Variants in SGMS1 observed in about 807,000 individuals in gnomAD.
SGMS1 encodes phosphatidylcholine:ceramide cholinephosphotransferase 1.
SGMS1 carries 13 observed loss-of-function variants against 46.2 expected under a neutral mutation model. The ratio of observed to expected loss-of-function variants is 0.28; its 90% CI spans 0.18 to 0.45. The LOEUF is 0.45. Ranked by LOEUF, SGMS1 falls within the 20% of genes least tolerant of loss-of-function variation. The probability of loss-of-function intolerance (pLI) is 1.00; values close to 1 mark genes in which losing one functional copy is unlikely to be tolerated. For missense variants in SGMS1, 324 were observed against 519.9 expected (o/e 0.62, Z 3.66); for synonymous variants, 203 against 187.8 (o/e 1.08, Z -0.66).
intron 6 of SGMS1, among the ~76,000 whole-genome samples, chr10:50,379,304 C>T (rs954402444): frequency 6.6e-6 from 1 of 152,100 alleles, no homozygotes; most frequent in Admixed American, 6.5e-5. Flanking sequence ...AATTTGATGC[C>T]TCCTCACAAC....
intron 3 of SGMS1, chr10:50,474,024 A>C (rs934411974): frequency 6.6e-6 from 1 of 152,258 alleles, no homozygotes; most frequent in African/African-American, 2.4e-5. Context: ...CAAGAGGAAC[A>C]CTTAAGCTCA....
At chr10:50,504,561 A>C (rs1588856760) in intron 3 of SGMS1, among the ~76,000 whole-genome samples, 3 of 152,318 alleles carry the variant, frequency 2.0e-5, no homozygotes, top group Middle Eastern at 3.4e-3. Context: ...AAGTGACAAA[A>C]GGCAATTCTC....
chr10:50,437,235 C>G (rs1201776257), intron 5 of SGMS1, among the ~76,000 whole-genome samples: 2 of 152,186 alleles, frequency 1.3e-5, no homozygotes, highest in African/African-American at 4.8e-5. Flanking sequence ...CAGCCCACTT[C>G]ACTAGGAGAC....
At chr10:50,413,876 T>C (rs1461111534) in intron 6 of SGMS1, among the ~76,000 whole-genome samples, 1 of 152,190 alleles carries the variant, frequency 6.6e-6, no homozygotes, top group Non-Finnish European at 1.5e-5. Context: ...AGAAAGCACT[T>C]ATTAAACTGG....
intron 6 of SGMS1, among the ~76,000 whole-genome samples, chr10:50,416,898 C>G (rs903664800): frequency 1.3e-5 from 2 of 148,578 alleles, no homozygotes; most frequent in African/African-American, 5.0e-5. Context: ...CTAAAAAAAG[C>G]CAGCTGCAAA....
intron 6 of SGMS1, among the ~76,000 whole-genome samples, chr10:50,401,028 C>T (rs1848932494): frequency 6.6e-6 from 1 of 152,268 alleles, no homozygotes; most frequent in East Asian, 1.9e-4. Context: ...ACACTTATGC[C>T]TAGTAATTGA....
chr10:50,597,956 G>A (rs1032717732), intron 1 of SGMS1, among the ~76,000 whole-genome samples: 12 of 150,334 alleles, frequency 8.0e-5, no homozygotes, highest in African/African-American at 1.5e-4. Flanking sequence ...AGGTTGCAGC[G>A]AGCTGAGATA....
At chr10:50,565,722 A>G (rs1038716390) in intron 2 of SGMS1, among the ~76,000 whole-genome samples, 1 of 152,154 alleles carries the variant, frequency 6.6e-6, no homozygotes, top group Non-Finnish European at 1.5e-5. Flanking sequence ...TCAACATAAT[A>G]GTGTCCAGGG....
intron 8 of SGMS1, among the ~76,000 whole-genome samples, chr10:50,316,753 CACG>C (rs1164161006): frequency 2.6e-5 from 4 of 152,114 alleles, no homozygotes; most frequent in African/African-American, 9.7e-5. Context: ...AAATCCAATA[CACG>C]AATCAAGTAA....
intron 2 of SGMS1, among the ~76,000 whole-genome samples, chr10:50,555,001 C>T (rs11006118): frequency 0.2 from 30,288 of 152,090 alleles, 3,963 homozygotes; most frequent in East Asian, 0.64. Flanking sequence ...ACAGGGTTCC[C>T]AGAGGTCCTG....
At chr10:50,400,269 A>C (rs1341254140) in intron 6 of SGMS1, among the ~76,000 whole-genome samples, 1 of 151,674 alleles carries the variant, frequency 6.6e-6, no homozygotes, top group African/African-American at 2.4e-5. Flanking sequence ...GAGACCTTGA[A>C]TAAATTACTC....
At chr10:50,383,854 T>C (rs2133483319) in intron 6 of SGMS1, among the ~76,000 whole-genome samples, 1 of 152,342 alleles carries the variant, frequency 6.6e-6, no homozygotes, top group Non-Finnish European at 1.5e-5. Context: ...GCTAGGGCTA[T>C]GTTTAGTAAT....
intron 5 of SGMS1, among the ~76,000 whole-genome samples, chr10:50,446,781 T>C (rs1837022269): frequency 6.6e-6 from 1 of 152,188 alleles, no homozygotes; most frequent in Non-Finnish European, 1.5e-5. Flanking sequence ...AGAGAACTTT[T>C]TGGGATGATA....
intron 5 of SGMS1, among the ~76,000 whole-genome samples, chr10:50,455,632 G>C (rs924626155): frequency 9.2e-5 from 14 of 152,102 alleles, no homozygotes; most frequent in Non-Finnish European, 1.3e-4. Flanking sequence ...TCTTTTATTC[G>C]GAGTAGCTGG....
chr10:50,368,635 C>A (rs919886216), intron 6 of SGMS1, among the ~76,000 whole-genome samples: 1 of 152,186 alleles, frequency 6.6e-6, no homozygotes, highest in Non-Finnish European at 1.5e-5. Flanking sequence ...GGATTACAGG[C>A]GTGAGCCACT....
intron 4 of SGMS1, among the ~76,000 whole-genome samples, chr10:50,461,923 T>C (rs1238175457): frequency 6.6e-6 from 1 of 151,966 alleles, no homozygotes; most frequent in Non-Finnish European, 1.5e-5. Flanking sequence ...CAAACATAGG[T>C]ACAAAGAAAG....
chr10:50,499,076 G>A (rs1837639805), intron 3 of SGMS1, among the ~76,000 whole-genome samples: 1 of 152,068 alleles, frequency 6.6e-6, no homozygotes, highest in Admixed American at 6.6e-5. Flanking sequence ...TCCCATCTAT[G>A]CAATTGGCTA....
chr10:50,561,748 T>C (rs1434190619), intron 2 of SGMS1, among the ~76,000 whole-genome samples: 9 of 152,072 alleles, frequency 5.9e-5, no homozygotes, highest in Non-Finnish European at 1.2e-4. Context: ...AACTGAAAGG[T>C]GGAAGGAAGC....
At chr10:50,342,479 T>G (rs1183391469) in intron 7 of SGMS1, 1 of 152,344 alleles carries the variant, frequency 6.6e-6, no homozygotes, top group South Asian at 2.1e-4. Flanking sequence ...TTTGTAGATA[T>G]ATAATTTATC....
Sources: gnomAD v4.1 joint callset for allele counts (sites outside exome capture counted in the v4.1 genomes callset) on GRCh38, gnomAD v4.1.1 for gene constraint, MANE v1.5 for transcripts, NCBI Gene and HGNC (gene_info 2026-07-23, HGNC 2026-07-21) for gene names.